The following CHRM2 variants were observed in gnomAD, a reference collection of about 807,000 sequenced individuals.
CHRM2 encodes the protein cholinergic receptor muscarinic 2.
In CHRM2, 8 loss-of-function variants were observed where a neutral mutation model predicts 25.0. That is an observed-to-expected ratio of 0.32 (90% CI 0.19 to 0.58). CHRM2 has a LOEUF of 0.58. CHRM2 is among the 20% of genes least tolerant of loss of function. The probability of loss-of-function intolerance (pLI) is 0.88; values close to 1 mark genes in which losing one functional copy is unlikely to be tolerated. For synonymous variants in CHRM2, 202 were observed against 205.7 expected, an observed-to-expected ratio of 0.98 and a Z score of 0.15; for missense variants, 440 against 567.1, an observed-to-expected ratio of 0.78 and a Z score of 2.28.
chr7:136,945,931 G>C (rs1437236134), intron 2 of CHRM2, among the ~76,000 whole-genome samples: 1 of 152,066 alleles, frequency 6.6e-6, no homozygotes, highest in African/African-American at 2.4e-5. Context: ...TTCTTTGTTA[G>C]TGGAGAAGCA....
chr7:136,905,362 CATTT>C (rs1459340444), intron 2 of CHRM2, among the ~76,000 whole-genome samples: 5 of 151,640 alleles, frequency 3.3e-5, no homozygotes, highest in African/African-American at 1.2e-4. Flanking sequence ...TTATATTATT[CATTT>C]ATTTTTGTTC....
intron 2 of CHRM2, among the ~76,000 whole-genome samples, chr7:136,929,736 A>C (rs1194599382): frequency 6.6e-6 from 1 of 152,180 alleles, no homozygotes; most frequent in African/African-American, 2.4e-5. Flanking sequence ...TGAGCAACAC[A>C]GGAAAATAGA....
chr7:136,919,596 C>T (rs1034454867), intron 2 of CHRM2, among the ~76,000 whole-genome samples: 2 of 152,090 alleles, frequency 1.3e-5, no homozygotes, highest in South Asian at 2.1e-4. Flanking sequence ...CTACTTACCA[C>T]TCCAGTTTAT....
intron 2 of CHRM2, among the ~76,000 whole-genome samples, chr7:136,941,026 A>C (rs1799741214): frequency 6.6e-6 from 1 of 152,198 alleles, no homozygotes; most frequent in Non-Finnish European, 1.5e-5. Flanking sequence ...CTACATAAAG[A>C]TTCTAGAACA....
intron 2 of CHRM2, among the ~76,000 whole-genome samples, chr7:136,942,531 G>T (rs1175375336): frequency 6.6e-6 from 1 of 152,170 alleles, no homozygotes; most frequent in Non-Finnish European, 1.5e-5. Context: ...AGGAGGCCCA[G>T]AGTGCTGTTC....
intron 2 of CHRM2, among the ~76,000 whole-genome samples, chr7:136,897,094 G>T (rs1796939202): frequency 6.7e-6 from 1 of 149,546 alleles, no homozygotes; most frequent in South Asian, 2.1e-4. Context: ...GGTCTGGTTG[G>T]TTGAATATGT....
intron 2 of CHRM2, among the ~76,000 whole-genome samples, chr7:136,954,058 A>G (rs1303133631): frequency 1.3e-5 from 2 of 152,204 alleles, no homozygotes; most frequent in African/African-American, 4.8e-5. Context: ...AGATGCTTAT[A>G]TCAGTCCAGA....
At chr7:136,985,286 T>C (rs780247290) in intron 2 of CHRM2, among the ~76,000 whole-genome samples, 6 of 151,964 alleles carry the variant, frequency 3.9e-5, no homozygotes, top group Non-Finnish European at 7.4e-5. Context: ...CCAAGGTGTG[T>C]AGATCATGAG....
At chr7:136,903,024 T>C in intron 2 of CHRM2, 1 of 487,726 alleles carries the variant, frequency 2.1e-6, no homozygotes, top group Non-Finnish European at 4.0e-6. Context: ...GGCCAGCAAC[T>C]TTAAACAATA....
At chr7:136,888,625 C>A (rs1222224242) in intron 2 of CHRM2, among the ~76,000 whole-genome samples, 1 of 151,984 alleles carries the variant, frequency 6.6e-6, no homozygotes, top group African/African-American at 2.4e-5. Context: ...GAGCCCTGTG[C>A]CTCATGATTC....
At chr7:136,955,194 T>C (rs1455857) in intron 2 of CHRM2, among the ~76,000 whole-genome samples, 104,696 of 152,036 alleles carry the variant, frequency 0.69, 36,997 homozygotes, top group African/African-American at 0.82. Context: ...TCTCATGATT[T>C]TGAAATGCAT....
At chr7:136,871,896 AATT>A (rs1795854899) in intron 2 of CHRM2, 1 of 151,888 alleles carries the variant, frequency 6.6e-6, no homozygotes, top group East Asian at 1.9e-4. Flanking sequence ...ATGCCAGGTG[AATT>A]ATTATTGTTA....
At chr7:137,011,896 C>T (rs1804851459) in intron 3 of CHRM2, among the ~76,000 whole-genome samples, 1 of 151,926 alleles carries the variant, frequency 6.6e-6, no homozygotes, top group Non-Finnish European at 1.5e-5. Context: ...AGGATTTCAA[C>T]ATTCAGAATT....
At chr7:136,873,906 G>T (rs566136410) in intron 2 of CHRM2, among the ~76,000 whole-genome samples, 4 of 152,230 alleles carry the variant, frequency 2.6e-5, no homozygotes, top group Non-Finnish European at 4.4e-5. Context: ...AGAGGTAAAC[G>T]AGGGCACCAA....
intron 2 of CHRM2, among the ~76,000 whole-genome samples, chr7:136,973,984 T>C (rs182897364): frequency 2.0e-5 from 3 of 152,298 alleles, no homozygotes; most frequent in Admixed American, 2.0e-4. Flanking sequence ...TGAAATTGCC[T>C]TTCTTGAGAA....
chr7:136,938,317 T>C (rs909600697), intron 2 of CHRM2: 2 of 1,355,206 alleles, frequency 1.5e-6, no homozygotes, highest in Admixed American at 3.3e-5. Flanking sequence ...CTCGAACATG[T>C]TGTCCATGTT....
At chr7:136,887,345 A>AT (rs1796507531) in intron 2 of CHRM2, among the ~76,000 whole-genome samples, 1 of 151,854 alleles carries the variant, frequency 6.6e-6, no homozygotes, top group Non-Finnish European at 1.5e-5. Flanking sequence ...ACAAAAAAAA[A>AT]ATCCCACAGG....
chr7:136,913,159 C>G (rs1447738355), intron 2 of CHRM2, among the ~76,000 whole-genome samples: 1 of 151,844 alleles, frequency 6.6e-6, no homozygotes, highest in Non-Finnish European at 1.5e-5. Context: ...TATTAAATAC[C>G]TATCCAAATG....
intron 2 of CHRM2, among the ~76,000 whole-genome samples, chr7:136,941,159 T>A (rs1799749650): frequency 6.6e-6 from 1 of 152,182 alleles, no homozygotes; most frequent in Admixed American, 6.6e-5. Context: ...TGAGATTAAT[T>A]TTCCAAAAAT....
Sources: allele counts gnomAD v4.1 joint callset (sites outside exome capture counted in the v4.1 genomes callset), GRCh38; gene constraint gnomAD v4.1.1; transcripts MANE v1.5; gene names NCBI Gene and HGNC (gene_info 2026-07-23, HGNC 2026-07-21).